SLC14A2: variants seen among roughly 807,000 people sequenced by gnomAD.
The protein encoded by SLC14A2 is solute carrier family 14 member 2.
Under a neutral mutation model 104.6 loss-of-function variants are expected in SLC14A2, and 91 were observed. The ratio of observed to expected loss-of-function variants is 0.87; its 90% CI spans 0.73 to 1.04. The LOEUF is 1.04. Ranked by LOEUF, SLC14A2 falls within the 50% of genes least tolerant of loss-of-function variation. The probability of loss-of-function intolerance (pLI) is 0.00; values close to 1 mark genes in which losing one functional copy is unlikely to be tolerated. For synonymous variants in SLC14A2, 476 were observed against 466.4 expected (o/e 1.02, Z -0.27); for missense variants, 1,189 against 1,156.0 (o/e 1.03, Z -0.41).
the SLC14A2 span, among the ~76,000 whole-genome samples, chr18:45,185,002 A>G: frequency 0.053 from 8,057 of 152,290 alleles, 253 homozygotes; most frequent in Non-Finnish European, 0.066. Flanking sequence ...CGTATGTGCT[A>G]GTATTTTATT....
At chr18:45,541,662 C>T (rs1235228046) in intron 2 of SLC14A2, among the ~76,000 whole-genome samples, 3 of 152,236 alleles carry the variant, frequency 2.0e-5, no homozygotes, top group Non-Finnish European at 2.9e-5. Flanking sequence ...AGACCCAGCC[C>T]TGCCTGCTGG....
At chr18:45,183,483 A>C in the SLC14A2 span, among the ~76,000 whole-genome samples, 7 of 152,102 alleles carry the variant, frequency 4.6e-5, no homozygotes, top group Non-Finnish European at 1.0e-4. Flanking sequence ...ACATTTACCA[A>C]ACAAGCCACT....
chr18:45,628,015 A>G (rs1401481111), intron 4 of SLC14A2, among the ~76,000 whole-genome samples: 2 of 151,584 alleles, frequency 1.3e-5, no homozygotes, highest in Non-Finnish European at 2.9e-5. Flanking sequence ...AAAAAAAAAA[A>G]AAAAAGAAAA....
chr18:45,581,576 AT>A (rs2044492836), intron 2 of SLC14A2, among the ~76,000 whole-genome samples: 1 of 152,150 alleles, frequency 6.6e-6, no homozygotes, highest in Non-Finnish European at 1.5e-5. Context: ...CTGAGTTTTA[AT>A]CCTGCCTCTG....
chr18:45,515,801 G>C (rs1449679584), intron 2 of SLC14A2, among the ~76,000 whole-genome samples: 1 of 152,246 alleles, frequency 6.6e-6, no homozygotes, highest in Non-Finnish European at 1.5e-5. Flanking sequence ...AGAAAACCAT[G>C]CATCACAAGA....
chr18:45,233,378 A>G (rs1435736511), intron 1 of SLC14A2, among the ~76,000 whole-genome samples: 1 of 152,174 alleles, frequency 6.6e-6, no homozygotes, highest in Admixed American at 6.5e-5. Flanking sequence ...AGCTCTGGTT[A>G]TACAAATTAT....
At chr18:45,241,736 T>A (rs1352287839) in intron 1 of SLC14A2, among the ~76,000 whole-genome samples, 2 of 150,884 alleles carry the variant, frequency 1.3e-5, no homozygotes, top group Non-Finnish European at 2.9e-5. Context: ...CTATTTCTCT[T>A]GGATTCAAAC....
intron 2 of SLC14A2, among the ~76,000 whole-genome samples, chr18:45,496,820 C>T (rs1427746295): frequency 6.6e-6 from 1 of 152,118 alleles, no homozygotes; most frequent in Non-Finnish European, 1.5e-5. Context: ...GCTTGCTGGG[C>T]CTTCTGGCTG....
intron 2 of SLC14A2, among the ~76,000 whole-genome samples, chr18:45,508,775 G>A (rs2043322644): frequency 6.6e-6 from 1 of 152,088 alleles, no homozygotes; most frequent in South Asian, 2.1e-4. Flanking sequence ...CCCTCAACTG[G>A]ACTTTATCAA....
intron 1 of SLC14A2, among the ~76,000 whole-genome samples, chr18:45,224,389 G>T (rs1378863013): frequency 6.6e-6 from 1 of 152,186 alleles, no homozygotes; most frequent in African/African-American, 2.4e-5. Flanking sequence ...AGCTTATCAC[G>T]ACCAATCAGG....
At chr18:45,628,590 G>T (rs2045299067) in intron 4 of SLC14A2, among the ~76,000 whole-genome samples, 1 of 152,152 alleles carries the variant, frequency 6.6e-6, no homozygotes, top group South Asian at 2.1e-4. Context: ...GAGAAGTTTG[G>T]AAAGCACTGG....
At chr18:45,221,447 GA>G (rs1208963795) in intron 1 of SLC14A2, among the ~76,000 whole-genome samples, 2 of 150,258 alleles carry the variant, frequency 1.3e-5, no homozygotes, top group East Asian at 1.9e-4. Flanking sequence ...ATGGGAGTGA[GA>G]CACTTTGATT....
At chr18:45,489,582 T>C (rs1035279) in intron 2 of SLC14A2, among the ~76,000 whole-genome samples, 11,315 of 152,146 alleles carry the variant, frequency 0.074, 551 homozygotes, top group East Asian at 0.21. Context: ...GGTGAAGAAA[T>C]TGAGATTCAA....
At chr18:45,313,573 A>C (rs1187110948) in intron 1 of SLC14A2, among the ~76,000 whole-genome samples, 1 of 152,212 alleles carries the variant, frequency 6.6e-6, no homozygotes, top group Non-Finnish European at 1.5e-5. Context: ...ATCCTGAAGT[A>C]AGGCGGCCTG....
At chr18:45,590,485 G>A (rs1051441188) in intron 2 of SLC14A2, among the ~76,000 whole-genome samples, 4 of 152,290 alleles carry the variant, frequency 2.6e-5, no homozygotes, top group Admixed American at 2.6e-4. Flanking sequence ...GTCTCTGGAG[G>A]TGAATTGGTT....
intron 1 of SLC14A2, among the ~76,000 whole-genome samples, chr18:45,434,779 G>T (rs1371377758): frequency 6.6e-6 from 1 of 152,224 alleles, no homozygotes; most frequent in African/African-American, 2.4e-5. Context: ...AGAATTGATA[G>T]AGGTGAATAG....
At chr18:45,210,755 C>G (rs1283225549), upstream of SLC14A2, among the ~76,000 whole-genome samples, 1 of 152,106 alleles carries the variant, frequency 6.6e-6, no homozygotes, top group African/African-American at 2.4e-5. Flanking sequence ...CCAAACCATT[C>G]AAATTTCTGA....
At chr18:45,453,771 T>C (rs2086893596) in intron 1 of SLC14A2, among the ~76,000 whole-genome samples, 1 of 151,690 alleles carries the variant, frequency 6.6e-6, no homozygotes, top group Admixed American at 6.6e-5. Flanking sequence ...GCATTCACAG[T>C]GCCTCCCTTA....
intron 1 of SLC14A2, among the ~76,000 whole-genome samples, chr18:45,371,391 A>G (rs565880380): frequency 2.0e-5 from 3 of 152,306 alleles, no homozygotes; most frequent in African/African-American, 7.2e-5. Context: ...CCCATACTAT[A>G]TTAATTTCCA....
Sources: gnomAD v4.1 joint callset for allele counts (sites outside exome capture counted in the v4.1 genomes callset) on GRCh38, gnomAD v4.1.1 for gene constraint, MANE v1.5 for transcripts, NCBI Gene and HGNC (gene_info 2026-07-23, HGNC 2026-07-21) for gene names.